ATRNL1: variants seen among roughly 807,000 people sequenced by gnomAD.
ATRNL1 encodes attractin like 1.
In ATRNL1, 95 loss-of-function variants were observed where a neutral mutation model predicts 182.7. That is an observed-to-expected ratio of 0.52 (90% confidence interval 0.44 to 0.62). The LOEUF is 0.62. ATRNL1 is among the 20% of genes least tolerant of loss of function. The pLI is 0.00. For synonymous variants in ATRNL1, 576 were observed against 568.3 expected (o/e 1.01, Z -0.19); for missense variants, 1,471 against 1,679.5 (o/e 0.88, Z 2.17).
chr10:115,453,953 TAAAAA>T (rs1396570573), intron 21 of ATRNL1, among the ~76,000 whole-genome samples: 3 of 151,184 alleles, frequency 2.0e-5, no homozygotes, highest in African/African-American at 7.3e-5. Flanking sequence ...ATAATAATAA[TAAAAA>T]AGAAAAAAAA....
intron 20 of ATRNL1, among the ~76,000 whole-genome samples, chr10:115,396,183 T>C (rs1554955520): frequency 1.3e-5 from 2 of 151,930 alleles, no homozygotes; most frequent in Non-Finnish European, 2.9e-5. Flanking sequence ...ACAATCAGTT[T>C]TTATTCCTTC....
intron 28 of ATRNL1, among the ~76,000 whole-genome samples, chr10:115,857,124 TTAA>T (rs1222855067): frequency 1.2e-4 from 19 of 152,226 alleles, no homozygotes; most frequent in African/African-American, 4.6e-4. Flanking sequence ...TATGATTTTC[TTAA>T]TAACATTTTC....
At chr10:115,514,728 G>A (rs984426880) in intron 24 of ATRNL1, among the ~76,000 whole-genome samples, 3 of 151,854 alleles carry the variant, frequency 2.0e-5, no homozygotes, top group African/African-American at 7.2e-5. Flanking sequence ...TTAAAGAATG[G>A]CAGATATTTG....
chr10:115,565,503 G>T (rs145344249), intron 26 of ATRNL1, among the ~76,000 whole-genome samples: 22 of 152,122 alleles, frequency 1.4e-4, no homozygotes, highest in South Asian at 2.1e-4. Context: ...CCATGTTATT[G>T]TGTTGAGTAA....
chr10:115,420,613 T>C (rs1845607892), intron 20 of ATRNL1, among the ~76,000 whole-genome samples: 1 of 151,740 alleles, frequency 6.6e-6, no homozygotes, highest in Non-Finnish European at 1.5e-5. Flanking sequence ...AGTAGAAATA[T>C]CTCAAATAAA....
intron 28 of ATRNL1, among the ~76,000 whole-genome samples, chr10:115,862,291 C>A (rs1253302624): frequency 6.6e-6 from 1 of 152,174 alleles, no homozygotes; most frequent in African/African-American, 2.4e-5. Context: ...AGGTTATATT[C>A]TGTTTCCCTT....
intron 24 of ATRNL1, among the ~76,000 whole-genome samples, chr10:115,491,836 G>A (rs1206778345): frequency 6.6e-6 from 1 of 152,110 alleles, no homozygotes; most frequent in Non-Finnish European, 1.5e-5. Flanking sequence ...TGCCCAAATG[G>A]CTGCCCAGTT....
intron 26 of ATRNL1, among the ~76,000 whole-genome samples, chr10:115,670,573 A>T (rs2532732): frequency 0.99 from 151,007 of 152,240 alleles, 74,904 homozygotes; most frequent in Middle Eastern, 1. Flanking sequence ...GCAAAGTAAA[A>T]CACTGTCTTA....
intron 24 of ATRNL1, among the ~76,000 whole-genome samples, chr10:115,483,571 A>G (rs947578730): frequency 6.6e-6 from 1 of 151,602 alleles, no homozygotes. Context: ...GACTATATGT[A>G]CAGACCTAAT....
At chr10:115,763,313 A>C (rs1271145238) in intron 27 of ATRNL1, among the ~76,000 whole-genome samples, 11 of 152,188 alleles carry the variant, frequency 7.2e-5, no homozygotes, top group African/African-American at 2.7e-4. Context: ...ATAATCTACT[A>C]AGGGAGAGAC....
At chr10:115,261,131 A>G (rs576744932) in intron 10 of ATRNL1, among the ~76,000 whole-genome samples, 9 of 152,122 alleles carry the variant, frequency 5.9e-5, no homozygotes, top group Non-Finnish European at 8.8e-5. Context: ...AAATCATGAG[A>G]CTTGATAGCA....
chr10:115,386,197 C>G (rs1291319513), intron 19 of ATRNL1, among the ~76,000 whole-genome samples: 1 of 152,054 alleles, frequency 6.6e-6, no homozygotes, highest in Admixed American at 6.5e-5. Context: ...CATGGCATAT[C>G]TATTTATTTA....
intron 13 of ATRNL1, among the ~76,000 whole-genome samples, chr10:115,279,030 G>T (rs1554915829): frequency 6.6e-6 from 1 of 151,716 alleles, no homozygotes; most frequent in African/African-American, 2.4e-5. Context: ...GTGAAACCCT[G>T]TCTCTACTAA....
intron 27 of ATRNL1, among the ~76,000 whole-genome samples, chr10:115,824,438 T>G (rs1223612189): frequency 2.6e-5 from 4 of 152,080 alleles, no homozygotes; most frequent in Non-Finnish European, 5.9e-5. Context: ...GGGATCTAAT[T>G]AAACTAAAGA....
chr10:115,100,161 G>A (rs1219820621), intron 1 of ATRNL1, among the ~76,000 whole-genome samples: 3 of 152,076 alleles, frequency 2.0e-5, no homozygotes, highest in Non-Finnish European at 4.4e-5. Flanking sequence ...GGTCGTGGCG[G>A]TGTGCGCATT....
intron 15 of ATRNL1, among the ~76,000 whole-genome samples, chr10:115,296,985 T>C (rs1250263925): frequency 2.0e-5 from 3 of 152,204 alleles, no homozygotes; most frequent in Non-Finnish European, 4.4e-5. Context: ...CAGGGTGCTA[T>C]ATGAAGATAA....
chr10:115,445,552 T>C, intron 21 of ATRNL1, among the ~76,000 whole-genome samples: 1 of 140,694 alleles, frequency 7.1e-6, no homozygotes, highest in Non-Finnish European at 1.5e-5. Flanking sequence ...TGTGTGTGTG[T>C]ACACTTACCT....
intron 8 of ATRNL1, among the ~76,000 whole-genome samples, chr10:115,192,627 A>G (rs1336487540): frequency 1.3e-5 from 2 of 152,022 alleles, no homozygotes; most frequent in Admixed American, 6.6e-5. Flanking sequence ...TTCTGTGAAG[A>G]ATGTCATTAG....
rs555967596 is a variant in ATRNL1 at position 115,243,062 on chromosome 10, TTTTG to T, written c.1687+1349_1687+1352del. ...TTATTTTTCTGGAAGTTGATGAAAGTTTTGTTTGTTTGTTTTTCTTCTGGGGAAA... is the reference window on the plus strand; with the variant it reads ...TTATTTTTCTGGAAGTTGATGAAAGTTTTGTTTGTTTTTCTTCTGGGGAAA... On this transcript the variant is annotated intron_variant, in intron 10 of 28. Transcript: ENST00000355044. 2.9e-3 allele frequency among the ~76,000 whole-genome samples: 435 copies of T among 152,000 alleles called. 1 individual carries two copies. The highest frequency in any genetic ancestry group is 6.8e-3 in the Middle Eastern group (2 of 294).
Sources: allele counts gnomAD v4.1 joint callset (sites outside exome capture counted in the v4.1 genomes callset), GRCh38; gene constraint gnomAD v4.1.1; transcripts MANE v1.5; gene names NCBI Gene and HGNC (gene_info 2026-07-23, HGNC 2026-07-21).